Variants in EZR observed in about 807,000 individuals in gnomAD.
EZR encodes cytovillin 2.
Under a neutral mutation model 74.8 loss-of-function variants are expected in EZR, and 40 were observed. The observed-to-expected ratio is 0.53, with a 90% confidence interval of 0.42 to 0.70. The LOEUF is 0.70. Ranked by LOEUF, EZR falls within the 30% of genes least tolerant of loss-of-function variation. The probability of loss-of-function intolerance (pLI) is 0.00; values close to 1 mark genes in which losing one functional copy is unlikely to be tolerated. For missense variants in EZR, 678 were observed against 755.8 expected, an observed-to-expected ratio of 0.90 and a Z score of 1.21; for synonymous variants, 341 against 283.3, an observed-to-expected ratio of 1.20 and a Z score of -2.05.
Position 158,776,460 on chromosome 6 carries a change from A to T in EZR, c.743T>A (p.Ile248Asn). 6.2e-7 allele frequency: 1 copy of T among 1,613,332 alleles called. No individual in the cohort carries two copies. The highest frequency in any genetic ancestry group is 8.5e-7 in the Non-Finnish European group (1 of 1,179,842). The stretch of plus-strand genomic sequence containing the variant: ...GACAAACTTTTTGTCATTGAAAGAG[A>T]TGTTCCTGATTTCACTCCAAGGAAA... The part of the protein sequence containing the change: ...IGFPWSEIRN[I>N]SFNDKKFVIK... The change falls in exon 8 of 14, where the codon ATC (isoleucine) becomes AAC (asparagine). Residue 248 changes from isoleucine (I) to asparagine (N), a missense_variant. By Grantham distance (149) the Ile-to-Asn change is moderately radical. Around this residue, in one of 3 missense-constraint regions of EZR, gnomAD observed 119 missense variants for 182.3 expected, o/e 0.65. Coordinates refer to ENST00000367075, the MANE Select transcript of EZR (RefSeq NM_001111077.2).
Position 158,785,349 on chromosome 6 carries a change from T to C in EZR, c.427A>G (p.Lys143Glu), listed in dbSNP as rs148761603. 1.9e-6 allele frequency: 3 copies of C among 1,614,094 alleles called. No homozygotes were observed. Among genetic ancestry groups the C allele is most frequent in the Non-Finnish European group, 2.5e-6 (3 of 1,180,050 alleles). ...CGCTCAGAGCTGAGGTACCCAGACT[T>C]GTGCACTTCTTTGTTGTAGTCCCCA... ...KFGDYNKEVHKSGYLSSERLI... is the reference protein window; with the variant it reads ...KFGDYNKEVHESGYLSSERLI... Residue 143 changes from lysine to glutamate, a missense_variant, in exon 5 of 14, where the codon AAG (lysine) becomes GAG (glutamate). Coordinates refer to ENST00000367075, the MANE Select transcript of EZR (RefSeq NM_001111077.2).
At chr6:158,770,946 G>C in intron 9 of EZR, 52 bp from the exon 10 acceptor site, 2 of 1,613,240 alleles carry the variant, frequency 1.2e-6, no homozygotes, top group Non-Finnish European at 1.7e-6. Flanking sequence ...GCAGGAAAGT[G>C]AGGGGTCAAC....
chr6:158,785,045 AG>A (rs964387098), intron 5 of EZR, among the ~76,000 whole-genome samples: 1 of 152,220 alleles, frequency 6.6e-6, no homozygotes, highest in African/African-American at 2.4e-5. Context: ...ATCATACCCC[AG>A]GAGGAGCTGA....
At position 158,769,395 on chromosome 6, in the gene EZR, A is replaced by T. The variant is rs1135079; in HGVS notation, c.1275T>A (p.Thr425=). Residue 425 remains threonine, a synonymous_variant, in exon 12 of 14, where the codon ACT becomes ACA. Transcript: ENST00000367075. ...CCTCTTCCAGGAGGGCAATCTTGGC[A>T]GTGTATTCTGCAAGCTCCGCAGCCT... ...EQLAAELAEY[T]AKIALLEEAR... is the part of the protein sequence containing the mutation. 7.2e-4 allele frequency: 1,151 copies of T among 1,608,018 alleles called. 7 individuals are homozygous for T. The African/African-American group carries it at 0.013, about 18-fold the overall frequency.
At chr6:158,798,001 C>A (rs1381417710) in intron 2 of EZR, among the ~76,000 whole-genome samples, 2 of 152,326 alleles carry the variant, frequency 1.3e-5, no homozygotes, top group Admixed American at 1.3e-4. Flanking sequence ...GATCCCTCAG[C>A]CCCTGGAAAC....
chr6:158,778,999 T>C (rs1791355120), intron 7 of EZR, among the ~76,000 whole-genome samples: 1 of 152,174 alleles, frequency 6.6e-6, no homozygotes, highest in Admixed American at 6.5e-5. Context: ...GACATCTACA[T>C]AGTTTAAAAT....
At chr6:158,777,043 C>T (rs1433630498) in intron 7 of EZR, among the ~76,000 whole-genome samples, 1 of 152,232 alleles carries the variant, frequency 6.6e-6, no homozygotes, top group African/African-American at 2.4e-5. Context: ...CACCTTTCAA[C>T]ACACAGTTCC....
rs769780115 is a variant in EZR, at chr6:158,795,664, C to T, written c.13-6293G>A. 3.3e-5 allele frequency among the ~76,000 whole-genome samples: 5 copies of T among 152,212 alleles called. No individual in the cohort carries two copies. The South Asian group carries it at 6.2e-4, about 19-fold the overall frequency. ...GAGAGGCATTAGCCCTTCCTATCCC[C>T]GAGTGGCTTACACATTAATGAAGAT... is the stretch of plus-strand genomic sequence containing the variant. On this transcript the variant is annotated intron_variant, in intron 2 of 13. Coordinates refer to ENST00000367075, the MANE Select transcript of EZR (RefSeq NM_001111077.2).
chr6:158,818,265 C>G (rs1333312161), intron 1 of EZR, 99 bp from the exon 2 acceptor site: 3 of 542,888 alleles, frequency 5.5e-6, no homozygotes, highest in East Asian at 3.4e-5. Context: ...CGCTTAAGAA[C>G]CGGCCAGCCC....
chr6:158,769,643 C>T (rs2128564524), intron 11 of EZR, 141 bp downstream of exon 11: 6 of 1,304,314 alleles, frequency 4.6e-6, no homozygotes, highest in Non-Finnish European at 6.5e-6. Flanking sequence ...CAGCCCCTTC[C>T]CCACCAGCTG....
chr6:158,805,483 A>G (rs994138072), intron 2 of EZR, among the ~76,000 whole-genome samples: 1 of 152,140 alleles, frequency 6.6e-6, no homozygotes, highest in African/African-American at 2.4e-5. Flanking sequence ...GAGCAATATT[A>G]TACAATGTTA....
At chr6:158,773,755 G>A (rs897202232) in intron 8 of EZR, among the ~76,000 whole-genome samples, 5 of 152,234 alleles carry the variant, frequency 3.3e-5, no homozygotes, top group Non-Finnish European at 7.3e-5. Flanking sequence ...TGGGGGAAGC[G>A]TCCGAGGAGT....
At chr6:158,817,920 A>G (rs1215341665) in intron 2 of EZR, 162 bp downstream of exon 2, 2 of 547,320 alleles carry the variant, frequency 3.7e-6, no homozygotes, top group East Asian at 6.1e-5. Flanking sequence ...CAAAAGGGTC[A>G]ACAAGTAACA....
rs888973430 is a variant in EZR, at chr6:158,783,750, A to C, written c.552-84T>G. Reference sequence around the variant, plus strand: ...AAAACCTTTCCAGTATTTTTAAATTAAGGCGCCTTGTGTAGGATGGGCTCA... The same window carrying C: ...AAAACCTTTCCAGTATTTTTAAATTCAGGCGCCTTGTGTAGGATGGGCTCA... On this transcript the variant is annotated intron_variant, in intron 6 of 13. Transcript: ENST00000367075. 4.8e-6 allele frequency: 7 copies of C among 1,464,546 alleles called. No individual in the cohort carries two copies. The Admixed American group carries it at 1.1e-4, about 23-fold the overall frequency. 90.7% of individuals were successfully genotyped at this position (1,464,546 alleles called of 1,614,324 possible).
chr6:158,786,690 G>C (rs1791591495), intron 4 of EZR, among the ~76,000 whole-genome samples: 1 of 151,536 alleles, frequency 6.6e-6, no homozygotes, highest in Non-Finnish European at 1.5e-5. Flanking sequence ...TTCAGAGTTT[G>C]AAGAAAATGT....
At chr6:158,782,657 T>C (rs1406734011) in intron 7 of EZR, among the ~76,000 whole-genome samples, 1 of 152,206 alleles carries the variant, frequency 6.6e-6, no homozygotes, top group Non-Finnish European at 1.5e-5. Flanking sequence ...TCAGATGATT[T>C]GTTTCGGGGA....
chr6:158,777,157 A>T (rs1267514619), intron 7 of EZR, among the ~76,000 whole-genome samples: 1 of 152,216 alleles, frequency 6.6e-6, no homozygotes, highest in Non-Finnish European at 1.5e-5. Context: ...GTTCTATGAA[A>T]CCAACAGGGA....
At chr6:158,767,587 C>T in intron 12 of EZR, 75 bp from the exon 13 acceptor site, 4 of 1,459,736 alleles carry the variant, frequency 2.7e-6, no homozygotes, top group Non-Finnish European at 3.7e-6. Flanking sequence ...CAGACTGTCA[C>T]CTCCCTCTGT....
intron 2 of EZR, among the ~76,000 whole-genome samples, chr6:158,804,288 G>T (rs1479256295): frequency 1.3e-5 from 2 of 152,154 alleles, no homozygotes; most frequent in Non-Finnish European, 2.9e-5. Flanking sequence ...AAAGGGAAAA[G>T]AAATAATCAA....
Sources: allele counts gnomAD v4.1 joint callset (sites outside exome capture counted in the v4.1 genomes callset), GRCh38; gene constraint gnomAD v4.1.1; regional missense constraint gnomAD v4.1.1; transcripts MANE v1.5; gene names NCBI Gene and HGNC (gene_info 2026-07-23, HGNC 2026-07-21).